The following CYTH3 variants were observed in gnomAD, a reference collection of about 807,000 sequenced individuals.
The protein encoded by CYTH3 is cytohesin-3.
CYTH3 carries 23 observed loss-of-function variants against 55.1 expected under a neutral mutation model. The observed-to-expected ratio is 0.42, with a 90% CI of 0.30 to 0.59. The LOEUF (loss-of-function observed/expected upper bound fraction) is 0.59, where lower values mean the gene tolerates loss of function less well. Ranked by LOEUF, CYTH3 falls within the 20% of genes least tolerant of loss-of-function variation. The pLI is 0.20. For missense variants in CYTH3, 413 were observed against 524.8 expected, an observed-to-expected ratio of 0.79 and a Z score of 2.08; for synonymous variants, 249 against 194.9, an observed-to-expected ratio of 1.28 and a Z score of -2.31.
intron 1 of CYTH3, among the ~76,000 whole-genome samples, chr7:6,227,199 C>T (rs1226380011): frequency 6.6e-6 from 1 of 151,522 alleles, no homozygotes; most frequent in African/African-American, 2.4e-5. Context: ...CCCAGAGATG[C>T]TGAAATCACT....
chr7:6,165,299 C>G lies in CYTH3; in HGVS notation c.1101G>C (p.Glu367Asp). ...VYRISAPSPEEKEEWMKSIKA... is the reference protein window; with the variant it reads ...VYRISAPSPEDKEEWMKSIKA... ...TGATGGATTTCATCCACTCCTCCTT[C>G]TCCTCCGGGCTCGGGGCTGAGATCC... Residue 367 changes from glutamate to aspartate, a missense_variant, in exon 12 of 13, where the codon GAG becomes GAC. Around this residue, in one of 4 missense-constraint regions of CYTH3, gnomAD observed 98 missense variants for 115.2 expected, o/e 0.85. Transcript: ENST00000350796. 6.2e-7 allele frequency: 1 copy of G among 1,613,520 alleles called. No individual in the cohort carries two copies. The highest frequency in any genetic ancestry group is 8.5e-7 in the Non-Finnish European group (1 of 1,179,782).
At chr7:6,252,518 A>G (rs886132869) in intron 1 of CYTH3, among the ~76,000 whole-genome samples, 1 of 152,176 alleles carries the variant, frequency 6.6e-6, no homozygotes, top group Admixed American at 6.5e-5. Flanking sequence ...TATTTCTTGA[A>G]TACTTTTAGA....
At chr7:6,221,733 T>C (rs1187449223) in intron 1 of CYTH3, among the ~76,000 whole-genome samples, 1 of 152,040 alleles carries the variant, frequency 6.6e-6, no homozygotes, top group African/African-American at 2.4e-5. Context: ...GCATGGTGGC[T>C]CACGCCTGTA....
chr7:6,263,378 T>C (rs773082725), intron 1 of CYTH3, among the ~76,000 whole-genome samples: 1 of 152,196 alleles, frequency 6.6e-6, no homozygotes, highest in Non-Finnish European at 1.5e-5. Flanking sequence ...GAAGCATGCC[T>C]ATAACTCACA....
chr7:6,194,179 G>A (rs959663098), intron 1 of CYTH3, among the ~76,000 whole-genome samples: 4 of 152,222 alleles, frequency 2.6e-5, no homozygotes, highest in East Asian at 1.9e-4. Context: ...AGCAAAAAGG[G>A]ATAAAAGTGG....
rs969672371 is a variant in CYTH3, at chr7:6,165,534, G to A, written c.972+11C>T. The stretch of plus-strand genomic sequence containing the variant: ...GCTGGCAGGAGAGAAGGTTCAGGAG[G>A]AAGAGCTTACGGGTTTCCGGGGGTC... On this transcript the variant is annotated intron_variant, in intron 11 of 12. Transcript: ENST00000350796. 3 of 1,613,386 alleles carry A rather than the reference G, an allele frequency of 1.9e-6. No individual in the cohort carries two copies. The highest frequency in any genetic ancestry group is 1.7e-5 in the Admixed American group (1 of 59,972).
chr7:6,228,380 G>A (rs976997205), intron 1 of CYTH3, among the ~76,000 whole-genome samples: 15 of 152,130 alleles, frequency 9.9e-5, no homozygotes, highest in Non-Finnish European at 2.1e-4. Context: ...TCTGGCCAGG[G>A]CCCTGTTCAA....
chr7:6,198,688 A>G (rs1783993607), intron 1 of CYTH3, among the ~76,000 whole-genome samples: 1 of 152,174 alleles, frequency 6.6e-6, no homozygotes, highest in Non-Finnish European at 1.5e-5. Flanking sequence ...TGAATGGATA[A>G]AGTAATATAT....
chr7:6,253,619 C>G (rs1038301634), intron 1 of CYTH3, among the ~76,000 whole-genome samples: 1 of 151,888 alleles, frequency 6.6e-6, no homozygotes, highest in Non-Finnish European at 1.5e-5. Flanking sequence ...AGTTTGAGAC[C>G]AGCCTGGCCA....
At chr7:6,272,426 C>A in intron 1 of CYTH3, 48 bp downstream of exon 1, 2 of 1,193,016 alleles carry the variant, frequency 1.7e-6, no homozygotes, top group South Asian at 1.8e-5. Context: ...CAGCCCCCGG[C>A]CCCCGACCCC....
intron 1 of CYTH3, among the ~76,000 whole-genome samples, chr7:6,211,538 G>T (rs1784319254): frequency 6.6e-6 from 1 of 152,222 alleles, no homozygotes; most frequent in Non-Finnish European, 1.5e-5. Flanking sequence ...TATAGTCCTA[G>T]ACTCTTAGGA....
intron 1 of CYTH3, among the ~76,000 whole-genome samples, chr7:6,216,597 C>T (rs1193682546): frequency 1.3e-5 from 2 of 151,538 alleles, no homozygotes; most frequent in South Asian, 2.1e-4. Context: ...AAAAATTAGC[C>T]GGGTGTGGTG....
chr7:6,203,283 C>CT (rs969418826), intron 1 of CYTH3, among the ~76,000 whole-genome samples: 20 of 151,706 alleles, frequency 1.3e-4, no homozygotes, highest in East Asian at 3.9e-4. Flanking sequence ...ATAAGATGTG[C>CT]TTTTTTTTCA....
At chr7:6,166,574 G>C (rs961068997) in intron 9 of CYTH3, among the ~76,000 whole-genome samples, 4 of 152,198 alleles carry the variant, frequency 2.6e-5, no homozygotes, top group African/African-American at 9.7e-5. Context: ...GGGCCAGCAC[G>C]GGCGCTGAGG....
intron 2 of CYTH3, 85 bp downstream of exon 2, chr7:6,190,364 A>ATTT: frequency 1.1e-6 from 1 of 872,044 alleles, no homozygotes; most frequent in Non-Finnish European, 1.5e-6. Flanking sequence ...TTTTTTTTAC[A>ATTT]TTTTTGTGAG....
intron 3 of CYTH3, among the ~76,000 whole-genome samples, 159 bp downstream of exon 3, chr7:6,187,498 G>T (rs1036991083): frequency 6.6e-6 from 1 of 152,104 alleles, no homozygotes; most frequent in Non-Finnish European, 1.5e-5. Flanking sequence ...AACACCCCTG[G>T]ACCCCTCCAC....
chr7:6,272,147 C>A (rs896036053), intron 1 of CYTH3, among the ~76,000 whole-genome samples: 2 of 152,180 alleles, frequency 1.3e-5, no homozygotes, highest in East Asian at 1.9e-4. Context: ...CGGGGAAGGT[C>A]GCCCCGCAAG....
At chr7:6,174,081 T>C (rs1012051033) in intron 5 of CYTH3, among the ~76,000 whole-genome samples, 1 of 152,132 alleles carries the variant, frequency 6.6e-6, no homozygotes, top group African/African-American at 2.4e-5. Context: ...ACATTTTGAG[T>C]AACTGCCAGA....
At chr7:6,226,438 G>T (rs1022520289) in intron 1 of CYTH3, among the ~76,000 whole-genome samples, 1 of 152,200 alleles carries the variant, frequency 6.6e-6, no homozygotes. Flanking sequence ...ATGAGGGTGG[G>T]GAGGTGGGAG....
Sources: gnomAD v4.1 joint callset for allele counts (sites outside exome capture counted in the v4.1 genomes callset) on GRCh38, gnomAD v4.1.1 for gene constraint, gnomAD v4.1.1 regional missense constraint, MANE v1.5 for transcripts, NCBI Gene and HGNC (gene_info 2026-07-23, HGNC 2026-07-21) for gene names.